The following DNAH14 variants were observed in gnomAD, a reference collection of about 807,000 sequenced individuals.
The protein encoded by DNAH14 is axonemal beta dynein heavy chain 14.
Under a neutral mutation model 520.9 loss-of-function variants are expected in DNAH14, and 478 were observed. That is an observed-to-expected ratio of 0.92 (90% CI 0.85 to 0.99). The LOEUF (loss-of-function observed/expected upper bound fraction) is 0.99. DNAH14 is among the 50% of genes least tolerant of loss of function. DNAH14 has a pLI of 0.00. For missense variants in DNAH14, 4,831 were observed against 5,234.5 expected, an observed-to-expected ratio of 0.92 and a Z score of 2.38; for synonymous variants, 1,581 against 1,757.2, an observed-to-expected ratio of 0.90 and a Z score of 2.51.
intron 5 of DNAH14, 69 bp from the exon 6 acceptor site, chr1:224,967,362 C>T: frequency 8.9e-7 from 1 of 1,127,760 alleles, no homozygotes; most frequent in Non-Finnish European, 1.2e-6. Flanking sequence ...ATCTGTTCAC[C>T]CATTGTATTA....
chr1:225,095,603 C>G (rs903604648), intron 21 of DNAH14, among the ~76,000 whole-genome samples: 2 of 152,118 alleles, frequency 1.3e-5, no homozygotes, highest in Non-Finnish European at 2.9e-5. Flanking sequence ...CTGTGACACG[C>G]AATTTACTTG....
intron 17 of DNAH14, among the ~76,000 whole-genome samples, chr1:225,058,873 T>C (rs906083838): frequency 3.9e-5 from 6 of 152,232 alleles, no homozygotes; most frequent in African/African-American, 1.2e-4. Context: ...AGTTCTAGTT[T>C]GATGGCACTG....
intron 60 of DNAH14, among the ~76,000 whole-genome samples, chr1:225,309,097 A>G (rs2094305722): frequency 6.6e-6 from 1 of 152,252 alleles, no homozygotes; most frequent in East Asian, 1.9e-4. Flanking sequence ...ACCTAGGACA[A>G]GGTTTATTAT....
intron 77 of DNAH14, among the ~76,000 whole-genome samples, chr1:225,370,302 CA>C (rs367955720): frequency 0.076 from 11,287 of 148,312 alleles, 530 homozygotes; most frequent in South Asian, 0.12. Context: ...AACAAACAAA[CA>C]AAAAAAACAC....
intron 64 of DNAH14, among the ~76,000 whole-genome samples, chr1:225,330,618 C>T (rs2094775824): frequency 6.6e-6 from 1 of 151,948 alleles, no homozygotes; most frequent in East Asian, 1.9e-4. Context: ...CAATTGAACT[C>T]ATGGAGATAG....
chr1:225,215,278 G>A (rs961857992), intron 41 of DNAH14, among the ~76,000 whole-genome samples: 4 of 152,124 alleles, frequency 2.6e-5, no homozygotes, highest in Non-Finnish European at 4.4e-5. Context: ...GAGGTAGTTC[G>A]TTATAATTTC....
At chr1:225,045,463 G>T (rs188055790) in intron 15 of DNAH14, among the ~76,000 whole-genome samples, 2 of 152,034 alleles carry the variant, frequency 1.3e-5, no homozygotes, top group African/African-American at 4.8e-5. Context: ...TTCATTTTCT[G>T]TGCCAGGATC....
chr1:225,373,612 T>G (rs2150675277), intron 77 of DNAH14, among the ~76,000 whole-genome samples: 1 of 152,198 alleles, frequency 6.6e-6, no homozygotes, highest in African/African-American at 2.4e-5. Context: ...TATGTGCAAA[T>G]AGAATGTCTG....
At chr1:225,352,812 A>G (rs889634510) in intron 72 of DNAH14, among the ~76,000 whole-genome samples, 4 of 151,808 alleles carry the variant, frequency 2.6e-5, no homozygotes, top group African/African-American at 9.7e-5. Context: ...AATTATGTCT[A>G]TTTTCTTCCT....
intron 1 of DNAH14, among the ~76,000 whole-genome samples, chr1:224,938,476 A>G (rs373321548): frequency 6.6e-6 from 1 of 152,238 alleles, no homozygotes; most frequent in South Asian, 2.1e-4. Context: ...AATGCAAATC[A>G]AAACCATAGT....
At chr1:225,139,607 T>C (rs2079247758) in intron 27 of DNAH14, among the ~76,000 whole-genome samples, 1 of 152,188 alleles carries the variant, frequency 6.6e-6, no homozygotes, top group African/African-American at 2.4e-5. Context: ...ATGGAATTAA[T>C]AAAGATATAG....
intron 71 of DNAH14, among the ~76,000 whole-genome samples, chr1:225,350,637 G>A (rs996318158): frequency 6.6e-6 from 1 of 152,016 alleles, no homozygotes; most frequent in African/African-American, 2.4e-5. Context: ...GTATGCCAAT[G>A]AATTGGATAA....
chr1:224,960,738 T>C (rs974873163), intron 4 of DNAH14, among the ~76,000 whole-genome samples: 6 of 152,114 alleles, frequency 3.9e-5, no homozygotes, highest in African/African-American at 1.4e-4. Flanking sequence ...TAACTGAAAT[T>C]CTTCTTAGTA....
chr1:225,297,100 T>A (rs1212281574), intron 55 of DNAH14, among the ~76,000 whole-genome samples: 16 of 152,102 alleles, frequency 1.1e-4, no homozygotes, highest in Admixed American at 1.0e-3. Flanking sequence ...CTTCTCCTTC[T>A]GGAATGCCTT....
At chr1:225,012,848 G>A (rs1188193592) in intron 10 of DNAH14, among the ~76,000 whole-genome samples, 3 of 152,160 alleles carry the variant, frequency 2.0e-5, no homozygotes, top group Admixed American at 6.5e-5. Flanking sequence ...GGTTATTCTA[G>A]TTAGAAATTC....
intron 49 of DNAH14, among the ~76,000 whole-genome samples, chr1:225,269,049 G>A (rs915726694): frequency 5.9e-5 from 9 of 152,154 alleles, no homozygotes; most frequent in Admixed American, 1.3e-4. Flanking sequence ...GAACAAAGCT[G>A]GAGGCATCAC....
chr1:225,212,669 T>G (rs1382377943), intron 41 of DNAH14, among the ~76,000 whole-genome samples: 1 of 152,224 alleles, frequency 6.6e-6, no homozygotes. Context: ...ATGATGAGCA[T>G]TTTTTCATGT....
At chr1:225,185,879 A>C (rs1358629777) in intron 37 of DNAH14, among the ~76,000 whole-genome samples, 1 of 142,274 alleles carries the variant, frequency 7.0e-6, no homozygotes, top group Non-Finnish European at 1.5e-5. Flanking sequence ...TTAATATGAT[A>C]TTTGATCTTG....
intron 21 of DNAH14, among the ~76,000 whole-genome samples, chr1:225,088,004 T>G (rs879742393): frequency 2.0e-5 from 3 of 152,228 alleles, no homozygotes; most frequent in Non-Finnish European, 4.4e-5. Flanking sequence ...GAATTAAATG[T>G]TGCTCCTGTC....
Sources: gnomAD v4.1 joint callset for allele counts (sites outside exome capture counted in the v4.1 genomes callset) on GRCh38, gnomAD v4.1.1 for gene constraint, MANE v1.5 for transcripts, NCBI Gene and HGNC (gene_info 2026-07-23, HGNC 2026-07-21) for gene names.